FGGY: variants seen among roughly 807,000 people sequenced by gnomAD.
The protein encoded by FGGY is FGGY carbohydrate kinase domain-containing protein.
Under a neutral mutation model 71.3 loss-of-function variants are expected in FGGY, and 72 were observed. That is an observed-to-expected ratio of 1.01 (90% confidence interval 0.84 to 1.23). The LOEUF (loss-of-function observed/expected upper bound fraction) is 1.23. FGGY is among the 50% of genes most tolerant of loss of function. FGGY has a pLI of 0.00. For synonymous variants in FGGY, 251 were observed against 250.3 expected, an observed-to-expected ratio of 1.00 and a Z score of -0.02; for missense variants, 668 against 682.3, an observed-to-expected ratio of 0.98 and a Z score of 0.23.
intron 12 of FGGY, among the ~76,000 whole-genome samples, chr1:59,661,529 G>A (rs1168863989): frequency 6.6e-6 from 1 of 152,032 alleles, no homozygotes; most frequent in African/African-American, 2.4e-5. Context: ...TGGAAACTTG[G>A]TCAAAAGCAC....
chr1:59,565,682 T>C (rs148660017), intron 8 of FGGY, among the ~76,000 whole-genome samples: 1 of 152,114 alleles, frequency 6.6e-6, no homozygotes, highest in Non-Finnish European at 1.5e-5. Flanking sequence ...GTGGGATGGG[T>C]TGACCATAAA....
At chr1:59,420,677 C>T (rs1218238658) in intron 5 of FGGY, among the ~76,000 whole-genome samples, 1 of 152,082 alleles carries the variant, frequency 6.6e-6, no homozygotes, top group African/African-American at 2.4e-5. Context: ...AGTGCTTGTA[C>T]CCTGGTGTCC....
chr1:59,424,213 C>T (rs1167914670), intron 5 of FGGY, among the ~76,000 whole-genome samples: 1 of 152,236 alleles, frequency 6.6e-6, no homozygotes, highest in Non-Finnish European at 1.5e-5. Context: ...AGTGCTTGCA[C>T]ATGGCAGCTT....
intron 6 of FGGY, among the ~76,000 whole-genome samples, chr1:59,503,536 TG>T (rs2094290769): frequency 6.7e-6 from 1 of 149,174 alleles, no homozygotes; most frequent in Non-Finnish European, 1.5e-5. Flanking sequence ...ATGAGATGCT[TG>T]GGCCTGCTGG....
At chr1:59,491,428 C>A (rs2093859436) in intron 6 of FGGY, among the ~76,000 whole-genome samples, 1 of 151,666 alleles carries the variant, frequency 6.6e-6, no homozygotes, top group South Asian at 2.1e-4. Flanking sequence ...GAGATCTTTA[C>A]TACCTTGGTT....
At position 59,333,020 on chromosome 1, in the gene FGGY, G is replaced by C. The variant is rs1029025336; in HGVS notation, c.202-6938G>C. ...CAAAGCCTTTGATTCTTACTTGGGA[G>C]GTATCTCTCACTCAGGAAACTGAGG... On this transcript the variant is annotated intron_variant, in intron 2 of 15. Coordinates refer to ENST00000303721, the MANE Select transcript of FGGY (RefSeq NM_018291.5). Among the ~76,000 whole-genome samples, 4 of 152,312 alleles carry C rather than the reference G, an allele frequency of 2.6e-5. No individual in the cohort carries two copies. The East Asian group carries it at 5.8e-4, about 22-fold the overall frequency.
intron 11 of FGGY, among the ~76,000 whole-genome samples, chr1:59,647,373 G>A (rs929703083): frequency 7.2e-5 from 11 of 152,264 alleles, no homozygotes; most frequent in South Asian, 2.1e-4. Flanking sequence ...AGTGTTGTGT[G>A]GTGTAGAATT....
At chr1:59,428,869 A>T (rs942167988) in intron 5 of FGGY, among the ~76,000 whole-genome samples, 8 of 152,200 alleles carry the variant, frequency 5.3e-5, no homozygotes, top group African/African-American at 1.7e-4. Context: ...TTTGAATACG[A>T]AAGGTGGCGT....
chr1:59,367,817 C>T (rs541861722), intron 4 of FGGY, among the ~76,000 whole-genome samples: 9 of 152,172 alleles, frequency 5.9e-5, no homozygotes, highest in African/African-American at 1.4e-4. Flanking sequence ...GCCCTACCTC[C>T]GCCCTCTGCT....
At chr1:59,683,723 A>ATAGC (rs1418984846) in intron 14 of FGGY, among the ~76,000 whole-genome samples, 41 of 152,248 alleles carry the variant, frequency 2.7e-4, no homozygotes, top group African/African-American at 9.6e-4. Flanking sequence ...AGGAAATAAA[A>ATAGC]TAGCTGCTCC....
At chr1:59,712,736 G>A (rs940933843) in intron 14 of FGGY, among the ~76,000 whole-genome samples, 1 of 152,106 alleles carries the variant, frequency 6.6e-6, no homozygotes, top group Non-Finnish European at 1.5e-5. Context: ...CACATCATGG[G>A]GATCCTGGGC....
At chr1:59,498,905 G>A (rs1257693521) in intron 6 of FGGY, among the ~76,000 whole-genome samples, 1 of 152,238 alleles carries the variant, frequency 6.6e-6, no homozygotes, top group Non-Finnish European at 1.5e-5. Context: ...AAATGCCAGT[G>A]TCCTCCTTCA....
At chr1:59,554,322 T>G in intron 8 of FGGY, 95 bp downstream of exon 8, 1 of 880,156 alleles carries the variant, frequency 1.1e-6, no homozygotes, top group Non-Finnish European at 1.7e-6. Context: ...TTTCACTTCT[T>G]TCCTCTTTTC....
chr1:59,616,652 A>G (rs2096758194), intron 9 of FGGY, among the ~76,000 whole-genome samples: 2 of 152,126 alleles, frequency 1.3e-5, no homozygotes, highest in African/African-American at 4.8e-5. Flanking sequence ...ATAAAATATT[A>G]TAATGATGGT....
At chr1:59,696,769 A>G (rs1189659508) in intron 14 of FGGY, among the ~76,000 whole-genome samples, 1 of 152,218 alleles carries the variant, frequency 6.6e-6, no homozygotes, top group Non-Finnish European at 1.5e-5. Flanking sequence ...ATAGTAAGCA[A>G]TGTGTACCTA....
At chr1:59,539,435 C>T (rs1389135445) in intron 7 of FGGY, among the ~76,000 whole-genome samples, 1 of 152,086 alleles carries the variant, frequency 6.6e-6, no homozygotes, top group African/African-American at 2.4e-5. Flanking sequence ...GATTAAGGAG[C>T]CCAGAAACAA....
chr1:59,334,893 T>C (rs893358501), intron 2 of FGGY, among the ~76,000 whole-genome samples: 4 of 152,192 alleles, frequency 2.6e-5, no homozygotes, highest in African/African-American at 9.6e-5. Context: ...TCTATTATTC[T>C]ACAACTTTAA....
At chr1:59,548,363 G>A (rs902102064) in intron 7 of FGGY, among the ~76,000 whole-genome samples, 5 of 152,184 alleles carry the variant, frequency 3.3e-5, no homozygotes, top group East Asian at 3.8e-4. Flanking sequence ...TCTGCAGGTC[G>A]TGGATGGCGT....
At chr1:59,538,615 C>A (rs1287727966) in intron 7 of FGGY, among the ~76,000 whole-genome samples, 1 of 150,244 alleles carries the variant, frequency 6.7e-6, no homozygotes, top group Non-Finnish European at 1.5e-5. Flanking sequence ...CAATGATAGA[C>A]TGGATTAAGA....
Sources: allele counts gnomAD v4.1 joint callset (sites outside exome capture counted in the v4.1 genomes callset), GRCh38; gene constraint gnomAD v4.1.1; transcripts MANE v1.5; gene names NCBI Gene and HGNC (gene_info 2026-07-23, HGNC 2026-07-21).